Variants in VAC14 observed in about 807,000 individuals in gnomAD.
VAC14 encodes protein VAC14 homolog.
In VAC14, 47 loss-of-function variants were observed where a neutral mutation model predicts 85.3. The ratio of observed to expected loss-of-function variants is 0.55; its 90% confidence interval spans 0.44 to 0.70. The LOEUF is 0.70. Among genes scored for constraint, VAC14 ranks in the 30% least tolerant of loss-of-function variants. The pLI is 0.00. For missense variants in VAC14, 861 were observed against 1,004.3 expected, an observed-to-expected ratio of 0.86 and a Z score of 1.93; for synonymous variants, 447 against 430.5, an observed-to-expected ratio of 1.04 and a Z score of -0.47.
At chr16:70,729,056 C>T (rs747690332) in intron 14 of VAC14, among the ~76,000 whole-genome samples, 3 of 152,310 alleles carry the variant, frequency 2.0e-5, no homozygotes, top group South Asian at 2.1e-4. Flanking sequence ...CTCTCTGACA[C>T]GGTGGTTCTC....
chr16:70,701,929 G>A (rs2053836455), intron 14 of VAC14, among the ~76,000 whole-genome samples: 1 of 152,210 alleles, frequency 6.6e-6, no homozygotes, highest in African/African-American at 2.4e-5. Context: ...GGAATGGCAC[G>A]TGGCAGGCTC....
intron 14 of VAC14, among the ~76,000 whole-genome samples, chr16:70,724,010 G>A (rs1175123881): frequency 6.6e-6 from 1 of 152,040 alleles, no homozygotes; most frequent in East Asian, 1.9e-4. Context: ...CTCTTGCCAA[G>A]TTCACCTGTG....
intron 18 of VAC14, chr16:70,689,463 A>T: frequency 1.1e-6 from 1 of 943,040 alleles, no homozygotes. Flanking sequence ...AGAGCCTGAC[A>T]GTTGCTTCAG....
intron 18 of VAC14, chr16:70,688,747 A>G (rs562962097): frequency 2.0e-6 from 2 of 985,530 alleles, no homozygotes; most frequent in Non-Finnish European, 2.4e-6. Context: ...AGTGTGCATG[A>G]TGCTCCCTAT....
At position 70,785,847 on chromosome 16, in the gene VAC14, T is replaced by G; in HGVS notation, c.278A>C (p.Glu93Ala). 2 of 1,604,858 alleles carry G rather than the reference T, an allele frequency of 1.2e-6. No individual in the cohort carries two copies. The highest frequency in any genetic ancestry group is 1.7e-6 in the Non-Finnish European group (2 of 1,175,416). ...LGKDSGLYLK[E>A]LIEPVLTCFN... ...GCAGGTCAGCACTGGCTCGATCAGC[T>G]CCTTCAGGTAGAGCCCTGAGTCCTG... Residue 93 changes from glutamate (E) to alanine (A), a missense_variant, in exon 3 of 19, where the codon GAG (glutamate) becomes GCG (alanine). Physicochemically the swap from Glu to Ala is moderately radical, Grantham distance 107. Coordinates refer to ENST00000261776, the MANE Select transcript of VAC14 (RefSeq NM_018052.5).
At chr16:70,689,746 G>C in intron 18 of VAC14, 2 of 985,522 alleles carry the variant, frequency 2.0e-6, no homozygotes, top group Non-Finnish European at 2.4e-6. Flanking sequence ...CAGCTGGGCG[G>C]GGCCATTCTA....
chr16:70,784,037 G>C, intron 5 of VAC14, 76 bp downstream of exon 5: 1 of 1,210,344 alleles, frequency 8.3e-7, no homozygotes, highest in Non-Finnish European at 1.2e-6. Context: ...TATAGCCAAA[G>C]GGCCTGACAA....
intron 14 of VAC14, among the ~76,000 whole-genome samples, chr16:70,702,276 G>C (rs912904275): frequency 6.6e-6 from 1 of 152,120 alleles, no homozygotes; most frequent in African/African-American, 2.4e-5. Context: ...GCTGGCCGAA[G>C]AGGCCTGGGA....
At chr16:70,695,884 T>G (rs1201191459) in intron 16 of VAC14, 2 of 374,196 alleles carry the variant, frequency 5.3e-6, no homozygotes, top group African/African-American at 4.0e-5. Flanking sequence ...GAGGCTCTTA[T>G]CACAGCGCTG....
intron 14 of VAC14, among the ~76,000 whole-genome samples, chr16:70,718,568 C>CT (rs758352968): frequency 4.8e-5 from 7 of 147,298 alleles, no homozygotes; most frequent in East Asian, 2.0e-4. Context: ...AATGAGACTC[C>CT]TTTTTAAAAA....
chr16:70,689,563 C>T (rs1237651407), intron 18 of VAC14: 1 of 985,716 alleles, frequency 1.0e-6, no homozygotes, highest in East Asian at 1.1e-4. Context: ...GCCTCCTGCA[C>T]CCCTGCTCAG....
chr16:70,707,918 G>A (rs1219241804), intron 14 of VAC14, among the ~76,000 whole-genome samples: 1 of 151,896 alleles, frequency 6.6e-6, no homozygotes, highest in Non-Finnish European at 1.5e-5. Flanking sequence ...AGCCTCCTGA[G>A]TAGCTGGGAT....
At chr16:70,736,918 A>C (rs1346499106) in intron 13 of VAC14, among the ~76,000 whole-genome samples, 1 of 152,090 alleles carries the variant, frequency 6.6e-6, no homozygotes, top group Non-Finnish European at 1.5e-5. Context: ...CGGGCTGGAC[A>C]GGGATGGGAA....
chr16:70,689,761 GCC>G, intron 18 of VAC14: 1 of 985,518 alleles, frequency 1.0e-6, no homozygotes, highest in Middle Eastern at 5.2e-4. Flanking sequence ...ATTCTAGAGG[GCC>G]AGGCTGTGGG....
intron 14 of VAC14, among the ~76,000 whole-genome samples, chr16:70,700,974 G>A (rs2053814524): frequency 1.3e-5 from 2 of 152,208 alleles, no homozygotes; most frequent in African/African-American, 2.4e-5. Flanking sequence ...AGGGTGCGGA[G>A]GGAGGGACGG....
At chr16:70,733,213 T>C (rs923563289) in intron 13 of VAC14, among the ~76,000 whole-genome samples, 3 of 152,212 alleles carry the variant, frequency 2.0e-5, no homozygotes, top group Non-Finnish European at 4.4e-5. Flanking sequence ...ATTCTGGATG[T>C]TTCCTATAAA....
At chr16:70,717,442 T>C (rs1054879136) in intron 14 of VAC14, among the ~76,000 whole-genome samples, 1 of 152,254 alleles carries the variant, frequency 6.6e-6, no homozygotes, top group African/African-American at 2.4e-5. Context: ...CCTTTATTTT[T>C]CTTTTTTTAA....
intron 14 of VAC14, among the ~76,000 whole-genome samples, chr16:70,713,121 G>C (rs1337313025): frequency 6.6e-6 from 1 of 152,176 alleles, no homozygotes; most frequent in African/African-American, 2.4e-5. Flanking sequence ...CTGCCTGCTT[G>C]CAAGGAGTGA....
At position 70,721,193 on chromosome 16, in the gene VAC14, A is replaced by G. The variant is rs572441026; in HGVS notation, c.1661+10302T>C. 4.6e-5 allele frequency among the ~76,000 whole-genome samples: 7 copies of G among 152,240 alleles called. No homozygotes were observed. In the East Asian group the frequency reaches 1.4e-3, roughly 29 times the overall value. Reference sequence around the variant, plus strand: ...GACCAGAAGTGGGCCAGAATAAGGGACAGGCCGGCATGGTGGGGCTGGGGC... The same window carrying G: ...GACCAGAAGTGGGCCAGAATAAGGGGCAGGCCGGCATGGTGGGGCTGGGGC... On this transcript the variant is annotated intron_variant, in intron 14 of 18. Transcript: ENST00000261776.
Sources: gnomAD v4.1 joint callset for allele counts (sites outside exome capture counted in the v4.1 genomes callset) on GRCh38, gnomAD v4.1.1 for gene constraint, MANE v1.5 for transcripts, NCBI Gene and HGNC (gene_info 2026-07-23, HGNC 2026-07-21) for gene names.